Variants in DLGAP1 observed in about 807,000 individuals in gnomAD.
DLGAP1 encodes the protein disks large-associated protein 1.
DLGAP1 carries 11 observed loss-of-function variants against 90.8 expected under a neutral mutation model. The ratio of observed to expected loss-of-function variants is 0.12; its 90% CI spans 0.08 to 0.20. The LOEUF (loss-of-function observed/expected upper bound fraction) is 0.20. Ranked by LOEUF, DLGAP1 falls within the 10% of genes least tolerant of loss-of-function variation. The pLI, the probability that DLGAP1 is intolerant of heterozygous loss-of-function variation, is 1.00. For missense variants in DLGAP1, 1,050 were observed against 1,333.8 expected, an observed-to-expected ratio of 0.79 and a Z score of 3.31; for synonymous variants, 558 against 540.7, an observed-to-expected ratio of 1.03 and a Z score of -0.44.
chr18:3,900,029 C>T (rs374563965), intron 3 of DLGAP1, among the ~76,000 whole-genome samples: 1 of 152,062 alleles, frequency 6.6e-6, no homozygotes, highest in East Asian at 1.9e-4. Context: ...ACAAAAAATC[C>T]TGAAGAAATA....
chr18:3,522,946 G>A (rs1308825169), intron 10 of DLGAP1, among the ~76,000 whole-genome samples: 1 of 152,132 alleles, frequency 6.6e-6, no homozygotes, highest in East Asian at 1.9e-4. Flanking sequence ...AAAACGGAAG[G>A]GAAAGGTTCC....
intron 1 of DLGAP1, among the ~76,000 whole-genome samples, chr18:4,327,527 TAGA>T (rs2080850372): frequency 1.3e-5 from 2 of 152,074 alleles, no homozygotes; most frequent in South Asian, 4.1e-4. Flanking sequence ...GAGGTCTCTG[TAGA>T]AGATCAAATA....
chr18:4,011,036 C>T lies in DLGAP1; in HGVS notation c.-158-5835G>A, dbSNP rs955323415. Among the ~76,000 whole-genome samples the T allele has an allele frequency of 3.3e-5, 5 of 151,650 alleles. No homozygotes were observed. In the South Asian group the frequency reaches 6.2e-4, roughly 19 times the overall value. ...ACTAAAAATACAAAAATTAGCCGGT[C>T]GTGGTAATGTGCCCCTGTAATCCCT... is the stretch of plus-strand genomic sequence containing the variant. On this transcript the variant is annotated intron_variant, in intron 2 of 12. Transcript: ENST00000315677.
intron 12 of DLGAP1, chr18:3,502,035 T>C: frequency 2.1e-6 from 1 of 475,268 alleles, no homozygotes; most frequent in African/African-American, 2.1e-5. Context: ...CAACAGTAAT[T>C]TCTTTATTAC....
intron 2 of DLGAP1, among the ~76,000 whole-genome samples, chr18:4,075,782 T>G (rs189841697): frequency 1.3e-5 from 2 of 152,238 alleles, no homozygotes; most frequent in African/African-American, 4.8e-5. Context: ...AGGCAAGCAC[T>G]GTTTCTCGTT....
In DLGAP1 at chr18:3,600,939, G is replaced by GATAGATATAGATAT. The variant is rs1568279487; in HGVS notation, c.1592-18692_1592-18691insATATCTATATCTAT. Among the ~76,000 whole-genome samples the GATAGATATAGATAT allele has an allele frequency of 3.4e-5, 2 of 58,134 alleles. 1 individual carries two copies. Among genetic ancestry groups the GATAGATATAGATAT allele is most frequent in the Non-Finnish European group, 8.8e-5 (2 of 22,722 alleles). 38.1% of individuals were successfully genotyped at this position (58,134 alleles called of 152,430 possible). On this transcript the variant is annotated intron_variant, in intron 7 of 12. Coordinates refer to ENST00000315677, the MANE Select transcript of DLGAP1 (RefSeq NM_004746.4). ...AGATATAGATATATATAGATATATA[G>GATAGATATAGATAT]ATAGATATATAGATATATATAGATA...
At chr18:4,219,494 GTTTATTTT>G (rs2078032467) in intron 1 of DLGAP1, among the ~76,000 whole-genome samples, 1 of 151,868 alleles carries the variant, frequency 6.6e-6, no homozygotes, top group African/African-American at 2.4e-5. Context: ...AATCCTATTT[GTTTATTTT>G]TTATTTTGTT....
At chr18:3,854,467 T>G (rs2069516824) in intron 4 of DLGAP1, among the ~76,000 whole-genome samples, 1 of 152,236 alleles carries the variant, frequency 6.6e-6, no homozygotes, top group African/African-American at 2.4e-5. Context: ...ATGACACTTT[T>G]AGATGAGCGA....
chr18:3,910,980 T>C (rs2072020751), intron 3 of DLGAP1, among the ~76,000 whole-genome samples: 1 of 152,188 alleles, frequency 6.6e-6, no homozygotes, highest in African/African-American at 2.4e-5. Flanking sequence ...ATCCTGGTTT[T>C]GGCCCACGAA....
chr18:3,988,208 C>T lies in DLGAP1; in HGVS notation c.-73+16908G>A, dbSNP rs369672210. ...CTGTCACTGCAATCTCAGGATATTC[C>T]GCCTTGACTTTAACCCAGAACCTAT... On this transcript the variant is annotated intron_variant, in intron 3 of 12. Transcript: ENST00000315677. Among the ~76,000 whole-genome samples, 37 of 152,032 alleles carry T rather than the reference C, an allele frequency of 2.4e-4. 1 individual carries two copies. In the East Asian group the frequency reaches 3.1e-3, roughly 13 times the overall value.
chr18:3,522,952 G>C (rs909548105), intron 10 of DLGAP1, among the ~76,000 whole-genome samples: 1 of 152,128 alleles, frequency 6.6e-6, no homozygotes, highest in Non-Finnish European at 1.5e-5. Context: ...GAAGGGAAAG[G>C]TTCCTCAACA....
chr18:3,502,197 G>A, intron 12 of DLGAP1: 1 of 1,244,868 alleles, frequency 8.0e-7, no homozygotes, highest in Non-Finnish European at 1.0e-6. Flanking sequence ...AAGCAAAATG[G>A]AGGCAGTTCC....
At chr18:4,268,969 T>C (rs1272726664) in intron 1 of DLGAP1, among the ~76,000 whole-genome samples, 1 of 152,104 alleles carries the variant, frequency 6.6e-6, no homozygotes, top group Non-Finnish European at 1.5e-5. Flanking sequence ...ATAATGTTTT[T>C]CTTGCTTAGC....
intron 1 of DLGAP1, among the ~76,000 whole-genome samples, chr18:4,243,247 T>G (rs139829006): frequency 0.046 from 2,851 of 61,926 alleles, 36 homozygotes; most frequent in Non-Finnish European, 0.094. Context: ...TTCTTTTCGG[T>G]TAAAAAGTGC....
At chr18:3,958,034 C>T (rs1568319527) in intron 3 of DLGAP1, among the ~76,000 whole-genome samples, 1 of 151,908 alleles carries the variant, frequency 6.6e-6, no homozygotes, top group African/African-American at 2.4e-5. Context: ...GCTGGGATTA[C>T]AGGTGTCCAC....
chr18:4,209,814 T>C (rs571088379), intron 1 of DLGAP1, among the ~76,000 whole-genome samples: 2 of 152,308 alleles, frequency 1.3e-5, no homozygotes, highest in East Asian at 3.9e-4. Flanking sequence ...AAAGACACAG[T>C]TCTTGCCCTC....
chr18:3,793,912 T>A (rs2065864764), intron 5 of DLGAP1, among the ~76,000 whole-genome samples: 1 of 152,208 alleles, frequency 6.6e-6, no homozygotes, highest in Non-Finnish European at 1.5e-5. Flanking sequence ...TTGCTCTTTA[T>A]GTCACTTATC....
intron 10 of DLGAP1, among the ~76,000 whole-genome samples, chr18:3,516,024 C>A (rs562295909): frequency 6.6e-6 from 1 of 152,104 alleles, no homozygotes; most frequent in Admixed American, 6.6e-5. Context: ...GGCTTCACTT[C>A]GCATTCTAGT....
At chr18:4,019,766 C>T (rs936091473) in intron 2 of DLGAP1, among the ~76,000 whole-genome samples, 6 of 152,148 alleles carry the variant, frequency 3.9e-5, no homozygotes, top group Admixed American at 3.9e-4. Context: ...CTGGCTATGC[C>T]TGTCCAAGGA....
Sources: gnomAD v4.1 joint callset for allele counts (sites outside exome capture counted in the v4.1 genomes callset) on GRCh38, gnomAD v4.1.1 for gene constraint, MANE v1.5 for transcripts, NCBI Gene and HGNC (gene_info 2026-07-23, HGNC 2026-07-21) for gene names.